FAM171A1: variants seen among roughly 807,000 people sequenced by gnomAD.
FAM171A1 encodes the protein family with sequence similarity 171 member A1.
Under a neutral mutation model 74.9 loss-of-function variants are expected in FAM171A1, and 23 were observed. The ratio of observed to expected loss-of-function variants is 0.31; its 90% confidence interval spans 0.22 to 0.44. The LOEUF (loss-of-function observed/expected upper bound fraction) is 0.44, where lower values mean the gene tolerates loss of function less well. FAM171A1 is among the 20% of genes least tolerant of loss of function. The pLI is 1.00. For missense variants in FAM171A1, 1,162 were observed against 1,159.2 expected (o/e 1.00, Z -0.03); for synonymous variants, 527 against 505.7 (o/e 1.04, Z -0.57).
intron 1 of FAM171A1, among the ~76,000 whole-genome samples, chr10:15,333,775 G>A (rs1835668988): frequency 6.6e-6 from 1 of 150,730 alleles, no homozygotes; most frequent in Non-Finnish European, 1.5e-5. Flanking sequence ...GGCAGAGGTT[G>A]CAGTGTAGTG....
At chr10:15,332,621 C>T (rs1417549690) in intron 1 of FAM171A1, among the ~76,000 whole-genome samples, 3 of 152,136 alleles carry the variant, frequency 2.0e-5, no homozygotes, top group Non-Finnish European at 4.4e-5. Flanking sequence ...TGATGAGTGT[C>T]ATGAATTTAT....
At chr10:15,259,962 A>G (rs1184850632) in intron 3 of FAM171A1, among the ~76,000 whole-genome samples, 1 of 151,942 alleles carries the variant, frequency 6.6e-6, no homozygotes, top group African/African-American at 2.4e-5. Context: ...GGTAGCTGGG[A>G]CTACAGGCAC....
intron 5 of FAM171A1, among the ~76,000 whole-genome samples, chr10:15,223,996 A>G (rs1834073257): frequency 6.6e-6 from 1 of 152,234 alleles, no homozygotes; most frequent in African/African-American, 2.4e-5. Context: ...CACCAGACTA[A>G]TGAGTCCCCA....
chr10:15,219,869 C>T (rs543166242), intron 6 of FAM171A1, among the ~76,000 whole-genome samples: 1 of 152,174 alleles, frequency 6.6e-6, no homozygotes, highest in African/African-American at 2.4e-5. Flanking sequence ...CGTGAGCCAC[C>T]GCGCCCGGCT....
chr10:15,369,547 T>C (rs1168985592), intron 1 of FAM171A1, among the ~76,000 whole-genome samples: 1 of 152,224 alleles, frequency 6.6e-6, no homozygotes, highest in Non-Finnish European at 1.5e-5. Context: ...ACACAATTCA[T>C]AACGGTCATA....
In FAM171A1 at chr10:15,289,399, C is replaced by T. The variant is rs149004393; in HGVS notation, c.98-5294G>A. The stretch of plus-strand genomic sequence containing the variant: ...TTGGTCACCTGAAGACTGCACAAAA[C>T]CCAGACTGGGACATCCTTTTCTCAC... On this transcript the variant is annotated intron_variant, in intron 1 of 7. Coordinates refer to ENST00000378116, the MANE Select transcript of FAM171A1 (RefSeq NM_001010924.2). Among the ~76,000 whole-genome samples, 1,178 of 152,280 alleles carry T rather than the reference C, an allele frequency of 7.7e-3. 8 individuals carry two copies. Among genetic ancestry groups the T allele is most frequent in the Admixed American group, 0.016 (251 of 15,290 alleles).
intron 5 of FAM171A1, among the ~76,000 whole-genome samples, chr10:15,226,888 C>CCACCTGGTGGGAATA (rs1834115468): frequency 6.6e-6 from 1 of 152,146 alleles, no homozygotes; most frequent in Non-Finnish European, 1.5e-5. Context: ...CCCCAGCTTC[C>CCACCTGGTGGGAATA]CACCTGGAGC....
chr10:15,299,624 A>C (rs1351458719), intron 1 of FAM171A1, among the ~76,000 whole-genome samples: 1 of 152,044 alleles, frequency 6.6e-6, no homozygotes, highest in African/African-American at 2.4e-5. Flanking sequence ...GGAAGAGACC[A>C]GTTAGAAAGT....
intron 3 of FAM171A1, among the ~76,000 whole-genome samples, chr10:15,269,274 C>A (rs977395800): frequency 3.3e-5 from 5 of 151,680 alleles, no homozygotes; most frequent in Admixed American, 6.6e-5. Flanking sequence ...GTAGCATACA[C>A]AGATTTTTTT....
At position 15,277,926 on chromosome 10, in the gene FAM171A1, G is replaced by T. The variant is rs531896437; in HGVS notation, c.326-1979C>A. ...TGTGCATCACCATGCCTGGCTAATTGTGTATTTTTAGTAGTGATGGGGTTT... is the reference window on the plus strand; with the variant it reads ...TGTGCATCACCATGCCTGGCTAATTTTGTATTTTTAGTAGTGATGGGGTTT... On this transcript the variant is annotated intron_variant, in intron 2 of 7. Transcript: ENST00000378116. Among the ~76,000 whole-genome samples, 99 of 152,200 alleles carry T rather than the reference G, an allele frequency of 6.5e-4. No homozygotes were observed. The South Asian group carries it at 0.02, about 31-fold the overall frequency.
intron 1 of FAM171A1, among the ~76,000 whole-genome samples, chr10:15,336,784 C>T (rs1264148110): frequency 6.6e-6 from 1 of 152,146 alleles, no homozygotes; most frequent in African/African-American, 2.4e-5. Flanking sequence ...AGACTTCCCT[C>T]CCCAAGGATA....
intron 5 of FAM171A1, among the ~76,000 whole-genome samples, chr10:15,222,894 G>T (rs1260634760): frequency 6.6e-6 from 1 of 152,248 alleles, no homozygotes; most frequent in African/African-American, 2.4e-5. Context: ...TTGGGCTCCA[G>T]AAAGAGCAGA....
chr10:15,361,726 T>C (rs1016964293), intron 1 of FAM171A1, among the ~76,000 whole-genome samples: 1 of 152,126 alleles, frequency 6.6e-6, no homozygotes, highest in Non-Finnish European at 1.5e-5. Flanking sequence ...ACTTTATGGA[T>C]TGGGGACAAC....
At chr10:15,351,378 G>A (rs546952391) in intron 1 of FAM171A1, among the ~76,000 whole-genome samples, 4 of 152,224 alleles carry the variant, frequency 2.6e-5, no homozygotes, top group South Asian at 2.1e-4. Context: ...ACACCTCCAC[G>A]CTGCAGCAGC....
intron 3 of FAM171A1, among the ~76,000 whole-genome samples, chr10:15,272,966 A>G (rs1018626797): frequency 1.3e-5 from 2 of 152,204 alleles, no homozygotes; most frequent in African/African-American, 4.8e-5. Context: ...ACACCCTAAC[A>G]TCACAATTAA....
chr10:15,313,600 T>G (rs1439006460), intron 1 of FAM171A1, among the ~76,000 whole-genome samples: 2 of 151,982 alleles, frequency 1.3e-5, no homozygotes, highest in Non-Finnish European at 2.9e-5. Context: ...TGCAGGAGAG[T>G]TCTGAGTACC....
At chr10:15,293,819 G>T (rs1202134748) in intron 1 of FAM171A1, among the ~76,000 whole-genome samples, 1 of 152,214 alleles carries the variant, frequency 6.6e-6, no homozygotes, top group Non-Finnish European at 1.5e-5. Flanking sequence ...AATTGAAGCT[G>T]GTGCTGGAAG....
intron 1 of FAM171A1, among the ~76,000 whole-genome samples, chr10:15,359,589 C>A (rs1835969859): frequency 6.6e-6 from 1 of 152,166 alleles, no homozygotes. Flanking sequence ...AAGCCCTCAT[C>A]CCCGGAACCT....
Position 15,268,650 on chromosome 10 carries a change from T to C in FAM171A1, c.418+7205A>G, listed in dbSNP as rs553568765. 2.6e-5 allele frequency among the ~76,000 whole-genome samples: 4 copies of C among 151,928 alleles called. No individual in the cohort carries two copies. The South Asian group carries it at 6.3e-4, about 24-fold the overall frequency. On this transcript the variant is annotated intron_variant, in intron 3 of 7. Coordinates refer to ENST00000378116, the MANE Select transcript of FAM171A1 (RefSeq NM_001010924.2). ...GACGGAATCAGGAGTAATTAGAGCATTGGAAGCCAGAGGCCTAGATGAGAT... is the reference window on the plus strand; with the variant it reads ...GACGGAATCAGGAGTAATTAGAGCACTGGAAGCCAGAGGCCTAGATGAGAT...
Sources: allele counts gnomAD v4.1 joint callset (sites outside exome capture counted in the v4.1 genomes callset), GRCh38; gene constraint gnomAD v4.1.1; transcripts MANE v1.5; gene names NCBI Gene and HGNC (gene_info 2026-07-23, HGNC 2026-07-21).